The following HCRTR2 variants were observed in gnomAD, a reference collection of about 807,000 sequenced individuals.
HCRTR2 encodes orexin receptor type 2.
A neutral mutation model predicts 49.0 loss-of-function variants in HCRTR2; 22 were observed. The observed-to-expected ratio is 0.45, with a 90% CI of 0.32 to 0.64. HCRTR2 has a LOEUF of 0.64. Ranked by LOEUF, HCRTR2 falls within the 30% of genes least tolerant of loss-of-function variation. The probability of loss-of-function intolerance (pLI) is 0.04; values close to 1 mark genes in which losing one functional copy is unlikely to be tolerated. For synonymous variants in HCRTR2, 236 were observed against 205.3 expected, an observed-to-expected ratio of 1.15 and a Z score of -1.28; for missense variants, 491 against 559.4, an observed-to-expected ratio of 0.88 and a Z score of 1.23.
At chr6:55,267,132 C>T (rs1286090583) in intron 4 of HCRTR2, among the ~76,000 whole-genome samples, 2 of 152,122 alleles carry the variant, frequency 1.3e-5, no homozygotes, top group East Asian at 1.9e-4. Context: ...TTGAGCAACT[C>T]TCAATTTCCA....
rs533300698 is a variant in HCRTR2, at chr6:55,141,956, A to G, written c.-377-32255A>G. Among the ~76,000 whole-genome samples, 4 of 152,338 alleles carry G rather than the reference A, an allele frequency of 2.6e-5. No individual in the cohort carries two copies. In the East Asian group the frequency reaches 5.8e-4, roughly 22 times the overall value. ...GATGTCAAACACCAAGAAATGGGAAATAAATTGTAAAATTATGTTGATAAA... is the reference window on the plus strand; with the variant it reads ...GATGTCAAACACCAAGAAATGGGAAGTAAATTGTAAAATTATGTTGATAAA... On this transcript the variant is annotated intron_variant, in intron 1 of 7. Coordinates refer to the HCRTR2 transcript ENST00000615358.
intron 1 of HCRTR2, among the ~76,000 whole-genome samples, chr6:55,239,158 T>G (rs976700385): frequency 6.6e-6 from 1 of 152,196 alleles, no homozygotes; most frequent in South Asian, 2.1e-4. Context: ...CTACCAGGTA[T>G]AGTCATTAAT....
intron 4 of HCRTR2, among the ~76,000 whole-genome samples, chr6:55,271,296 T>C (rs1766968227): frequency 6.6e-6 from 1 of 152,054 alleles, no homozygotes; most frequent in Non-Finnish European, 1.5e-5. Context: ...ATGGCAAAAA[T>C]CATAGTCCTG....
chr6:55,192,401 A>G (rs76471319), intron 1 of HCRTR2, among the ~76,000 whole-genome samples: 13,256 of 141,440 alleles, frequency 0.094, 707 homozygotes, highest in South Asian at 0.21. Flanking sequence ...ACACACACAC[A>G]CGCGCGCGCG....
At chr6:55,279,530 C>CACACAA (rs1269941965) in intron 5 of HCRTR2, among the ~76,000 whole-genome samples, 1 of 150,188 alleles carries the variant, frequency 6.7e-6, no homozygotes, top group Non-Finnish European at 1.5e-5. Flanking sequence ...AACACACACA[C>CACACAA]ACACACACAC....
intron 1 of HCRTR2, among the ~76,000 whole-genome samples, chr6:55,213,314 A>C (rs1765728578): frequency 6.6e-6 from 1 of 152,164 alleles, no homozygotes; most frequent in African/African-American, 2.4e-5. Flanking sequence ...TCTTCTTAAA[A>C]TTATCAACAT....
At chr6:55,223,789 T>C (rs951706041) in intron 1 of HCRTR2, among the ~76,000 whole-genome samples, 10 of 152,088 alleles carry the variant, frequency 6.6e-5, no homozygotes, top group Middle Eastern at 3.4e-3. Flanking sequence ...AAAAAAAAAG[T>C]AGTTATATTT....
upstream of HCRTR2, among the ~76,000 whole-genome samples, chr6:55,172,372 T>C (rs1764963564): frequency 6.6e-6 from 1 of 152,144 alleles, no homozygotes. Context: ...CCCTATGTAT[T>C]TGTTAGTTTG....
intron 1 of HCRTR2, among the ~76,000 whole-genome samples, chr6:55,180,985 T>C (rs1043114945): frequency 8.6e-5 from 13 of 150,370 alleles, no homozygotes; most frequent in African/African-American, 3.2e-4. Flanking sequence ...TTTTTTGTAT[T>C]TTTAGTAGAG....
chr6:55,256,562 CT>C (rs1413360400), intron 3 of HCRTR2, among the ~76,000 whole-genome samples: 1 of 152,080 alleles, frequency 6.6e-6, no homozygotes, highest in African/African-American at 2.4e-5. Flanking sequence ...TTTGCTTTAT[CT>C]ATTACCCCAA....
intron 1 of HCRTR2, among the ~76,000 whole-genome samples, chr6:55,184,774 T>C (rs1313383572): frequency 6.6e-6 from 1 of 152,210 alleles, no homozygotes; most frequent in East Asian, 1.9e-4. Flanking sequence ...TATCCTTTTG[T>C]AGATTCTTAG....
chr6:55,209,108 C>A (rs1002419669), intron 1 of HCRTR2, among the ~76,000 whole-genome samples: 7 of 152,066 alleles, frequency 4.6e-5, no homozygotes, highest in Non-Finnish European at 8.8e-5. Context: ...TTTTCTAAAT[C>A]CATTAAAATA....
At chr6:55,107,561 C>T (rs1763992316) in intron 1 of HCRTR2, among the ~76,000 whole-genome samples, 1 of 150,418 alleles carries the variant, frequency 6.6e-6, no homozygotes, top group Non-Finnish European at 1.5e-5. Flanking sequence ...TATAGTTTCT[C>T]CTTGACCTTT....
intron 3 of HCRTR2, among the ~76,000 whole-genome samples, chr6:55,258,201 T>C (rs571368699): frequency 2.6e-5 from 4 of 152,160 alleles, no homozygotes; most frequent in African/African-American, 9.6e-5. Context: ...TTTTTAAAAC[T>C]ATTGTAAAAT....
intron 1 of HCRTR2, among the ~76,000 whole-genome samples, chr6:55,212,025 A>G (rs971468904): frequency 3.3e-5 from 5 of 152,186 alleles, no homozygotes; most frequent in East Asian, 1.9e-4. Flanking sequence ...CAAGAACAAC[A>G]ACAAAAAGTG....
Position 55,174,742 on chromosome 6 carries a change from A to C in HCRTR2, c.155A>C (p.Glu52Ala), listed in dbSNP as rs759219974. The change falls in exon 1 of 7, where the codon GAA becomes GCA. Residue 52 changes from glutamate (E) to alanine (A), a missense_variant. Transcript: ENST00000370862. ...YLWREYLHPKEYEWVLIAGYI... is the reference protein window; with the variant it reads ...YLWREYLHPKAYEWVLIAGYI... ...TGGAGGGAATACCTGCACCCGAAAG[A>C]ATATGAGTGGGTCCTGATCGCCGGG... 1.9e-6 allele frequency: 3 copies of C among 1,614,046 alleles called. No individual in the cohort carries two copies. The highest frequency in any genetic ancestry group is 2.5e-6 in the Non-Finnish European group (3 of 1,179,994).
chr6:55,127,014 G>A (rs1478378532), intron 1 of HCRTR2, among the ~76,000 whole-genome samples: 2 of 152,114 alleles, frequency 1.3e-5, no homozygotes, highest in Non-Finnish European at 2.9e-5. Context: ...CCCTATGGGA[G>A]TGGGACCCAC....
intron 5 of HCRTR2, among the ~76,000 whole-genome samples, chr6:55,278,491 A>G (rs1242224676): frequency 6.6e-6 from 1 of 152,150 alleles, no homozygotes; most frequent in African/African-American, 2.4e-5. Flanking sequence ...AAGAAGTGGT[A>G]TAATCAGCCG....
chr6:55,112,548 C>CAAAAAAAAAA (rs34704863), intron 1 of HCRTR2, among the ~76,000 whole-genome samples: 1 of 79,168 alleles, frequency 1.3e-5, no homozygotes. Context: ...ACAATAGCTG[C>CAAAAAAAAAA]AAAAAAAAAA....
Sources: gnomAD v4.1 joint callset for allele counts (sites outside exome capture counted in the v4.1 genomes callset) on GRCh38, gnomAD v4.1.1 for gene constraint, MANE v1.5 for transcripts, NCBI Gene and HGNC (gene_info 2026-07-23, HGNC 2026-07-21) for gene names.